TMEM244: variants seen among roughly 807,000 people sequenced by gnomAD.
TMEM244 encodes the protein transmembrane protein 244, also known as putative transmembrane protein 244.
In TMEM244, 13 loss-of-function variants were observed where a neutral mutation model predicts 15.8. That is an observed-to-expected ratio of 0.82 (90% confidence interval 0.53 to 1.30). The LOEUF is 1.30. Ranked by LOEUF, TMEM244 falls within the 50% of genes most tolerant of loss-of-function variation. The probability of loss-of-function intolerance (pLI) is 0.00; values close to 1 mark genes in which losing one functional copy is unlikely to be tolerated. For synonymous variants in TMEM244, 45 were observed against 48.7 expected (o/e 0.92, Z 0.32); for missense variants, 161 against 144.9 (o/e 1.11, Z -0.57).
At chr6:129,842,986 G>A (rs1776512238) in intron 3 of TMEM244, among the ~76,000 whole-genome samples, 1 of 151,576 alleles carries the variant, frequency 6.6e-6, no homozygotes, top group African/African-American at 2.4e-5. Flanking sequence ...TCTGCAGCAA[G>A]TTCTATACTA....
chr6:129,846,879 T>G (rs1032939453), intron 1 of TMEM244, among the ~76,000 whole-genome samples: 8 of 152,272 alleles, frequency 5.3e-5, no homozygotes, highest in African/African-American at 1.9e-4. Flanking sequence ...AAAGAAGCAC[T>G]GCAGATTAAT....
chr6:129,844,580 C>T (rs1776537366), intron 2 of TMEM244, among the ~76,000 whole-genome samples: 1 of 152,298 alleles, frequency 6.6e-6, no homozygotes. Flanking sequence ...GTGCAGCTGG[C>T]CAACCAGTTA....
At chr6:129,833,378 C>G in intron 4 of TMEM244, 82 bp downstream of exon 4, 3 of 1,449,196 alleles carry the variant, frequency 2.1e-6, no homozygotes, top group Non-Finnish European at 2.8e-6. Flanking sequence ...ATGCAGACAA[C>G]AAAGTTCTAC....
intron 3 of TMEM244, among the ~76,000 whole-genome samples, chr6:129,836,354 A>G (rs1404425104): frequency 6.6e-6 from 1 of 152,146 alleles, no homozygotes; most frequent in African/African-American, 2.4e-5. Context: ...AAACTAACAA[A>G]CAGAAAAAAA....
In TMEM244 at chr6:129,846,730, C is replaced by A. The variant is rs188868844; in HGVS notation, c.34-878G>T. Among the ~76,000 whole-genome samples the A allele has an allele frequency of 2.2e-4, 34 of 152,214 alleles. No individual in the cohort carries two copies. The East Asian group carries it at 6.0e-3, about 27-fold the overall frequency. On this transcript the variant is annotated intron_variant, in intron 1 of 4. Transcript: ENST00000368143. ...GCACCAACCTATAGAAAGATGAGAACAGGTAAATTCCAAATAATATTAACA... is the reference window on the plus strand; with the variant it reads ...GCACCAACCTATAGAAAGATGAGAAAAGGTAAATTCCAAATAATATTAACA...
At chr6:129,847,428 G>C (rs1776575519) in intron 1 of TMEM244, among the ~76,000 whole-genome samples, 3 of 152,284 alleles carry the variant, frequency 2.0e-5, no homozygotes, top group South Asian at 4.1e-4. Context: ...GGTACAGAAG[G>C]AGTCCACAGC....
intron 1 of TMEM244, among the ~76,000 whole-genome samples, chr6:129,853,393 C>T (rs550244862): frequency 8.3e-4 from 127 of 152,266 alleles, no homozygotes; most frequent in Non-Finnish European, 1.7e-3. Flanking sequence ...CTCCCTAACA[C>T]TCTCTTTCTC....
chr6:129,835,768 G>A (rs9492395), intron 3 of TMEM244, among the ~76,000 whole-genome samples: 1,969 of 152,190 alleles, frequency 0.013, 55 homozygotes, highest in African/African-American at 0.045. Context: ...TGCCTGGTTC[G>A]GCAGGTCCCA....
At position 129,858,437 on chromosome 6, in the gene TMEM244, C is replaced by T. The variant is rs143031532; in HGVS notation, c.33+2719G>A. ...AGAATGTTCCCATTGCCTACAGTAG[C>T]TTCACTCTTCTTTACAGAGCAAGTA... is the stretch of plus-strand genomic sequence containing the variant. On this transcript the variant is annotated intron_variant, in intron 1 of 4. Transcript: ENST00000368143. Among the ~76,000 whole-genome samples, 242 of 152,252 alleles carry T rather than the reference C, an allele frequency of 1.6e-3. 1 individual carries two copies. Among genetic ancestry groups the T allele is most frequent in the African/African-American group, 5.2e-3 (218 of 41,564 alleles).
intron 1 of TMEM244, among the ~76,000 whole-genome samples, chr6:129,853,105 G>A (rs1193121397): frequency 6.6e-6 from 1 of 152,130 alleles, no homozygotes; most frequent in Non-Finnish European, 1.5e-5. Context: ...TGGAGGAACT[G>A]GTAGAAAAGG....
chr6:129,844,049 T>C (rs1022914829), intron 2 of TMEM244, among the ~76,000 whole-genome samples: 4 of 152,164 alleles, frequency 2.6e-5, no homozygotes, highest in African/African-American at 9.7e-5. Flanking sequence ...ATTAATTAAA[T>C]GCTAAATACA....
chr6:129,854,671 T>C (rs576637960), intron 1 of TMEM244, among the ~76,000 whole-genome samples: 95 of 152,290 alleles, frequency 6.2e-4, no homozygotes, highest in Non-Finnish European at 1.1e-3. Context: ...TACAATTGTA[T>C]ATAAAATGTA....
At chr6:129,847,476 C>T (rs1218796030) in intron 1 of TMEM244, among the ~76,000 whole-genome samples, 1 of 152,126 alleles carries the variant, frequency 6.6e-6, no homozygotes, top group Non-Finnish European at 1.5e-5. Context: ...AGAGAGTATA[C>T]CACAACGAAT....
At chr6:129,848,639 C>T (rs1296739419) in intron 1 of TMEM244, among the ~76,000 whole-genome samples, 11 of 152,172 alleles carry the variant, frequency 7.2e-5, no homozygotes, top group Non-Finnish European at 1.2e-4. Context: ...AAACATTGTG[C>T]GCATACATCA....
chr6:129,860,685 A>G (rs959130811), intron 1 of TMEM244, among the ~76,000 whole-genome samples: 1 of 152,040 alleles, frequency 6.6e-6, no homozygotes, highest in African/African-American at 2.4e-5. Flanking sequence ...CTGAAGTAAA[A>G]CACAACTATT....
intron 1 of TMEM244, among the ~76,000 whole-genome samples, chr6:129,850,271 G>T (rs1279760261): frequency 1.3e-5 from 2 of 152,158 alleles, no homozygotes; most frequent in Non-Finnish European, 2.9e-5. Context: ...AGTCAGACGT[G>T]AAGGGAAATT....
intron 1 of TMEM244, among the ~76,000 whole-genome samples, chr6:129,848,040 CG>C (rs1336104099): frequency 6.6e-6 from 1 of 152,030 alleles, no homozygotes; most frequent in Non-Finnish European, 1.5e-5. Context: ...TCAGAAAGTG[CG>C]GGGATTACAG....
At chr6:129,848,471 T>C (rs372993195) in intron 1 of TMEM244, among the ~76,000 whole-genome samples, 6 of 152,302 alleles carry the variant, frequency 3.9e-5, no homozygotes, top group East Asian at 3.9e-4. Context: ...AAAGAAAAAT[T>C]GGAGTTCTAT....
chr6:129,853,729 C>T (rs9321193), intron 1 of TMEM244, among the ~76,000 whole-genome samples: 25,687 of 152,136 alleles, frequency 0.17, 2,221 homozygotes, highest in South Asian at 0.23. Flanking sequence ...GAAAGTGCTA[C>T]TGATTTGCGC....
Sources: allele counts gnomAD v4.1 joint callset (sites outside exome capture counted in the v4.1 genomes callset), GRCh38; gene constraint gnomAD v4.1.1; transcripts MANE v1.5; gene names NCBI Gene and HGNC (gene_info 2026-07-23, HGNC 2026-07-21).